Variants in MAPK10 observed in about 807,000 individuals in gnomAD.
MAPK10 encodes the protein JNK3 alpha protein kinase.
In MAPK10, 25 loss-of-function variants were observed where a neutral mutation model predicts 59.3. That is an observed-to-expected ratio of 0.42 (90% confidence interval 0.31 to 0.59). The LOEUF (loss-of-function observed/expected upper bound fraction) is 0.59, where lower values mean the gene tolerates loss of function less well. Among genes scored for constraint, MAPK10 ranks in the 20% least tolerant of loss-of-function variants. The pLI is 0.15. For synonymous variants in MAPK10, 190 were observed against 200.5 expected (o/e 0.95, Z 0.44); for missense variants, 351 against 568.9 (o/e 0.62, Z 3.90).
chr4:86,023,010 T>C (rs1440878888), intron 13 of MAPK10, among the ~76,000 whole-genome samples: 1 of 152,252 alleles, frequency 6.6e-6, no homozygotes, highest in African/African-American at 2.4e-5. Flanking sequence ...TAATAAACCA[T>C]TTTCTAATCC....
chr4:86,246,573 G>A (rs1171271049), intron 2 of MAPK10, among the ~76,000 whole-genome samples: 1 of 152,200 alleles, frequency 6.6e-6, no homozygotes, highest in East Asian at 1.9e-4. Context: ...AAATCATTAA[G>A]AAGGGAAAAC....
intron 1 of MAPK10, among the ~76,000 whole-genome samples, chr4:86,451,565 G>A (rs1356092311): frequency 2.0e-5 from 3 of 152,230 alleles, no homozygotes; most frequent in Non-Finnish European, 4.4e-5. Flanking sequence ...TTAAGAAAAA[G>A]TGTTTCCAGG....
intron 9 of MAPK10, among the ~76,000 whole-genome samples, chr4:86,085,714 C>A (rs1357096797): frequency 6.6e-6 from 1 of 152,068 alleles, no homozygotes; most frequent in Non-Finnish European, 1.5e-5. Flanking sequence ...AATAGAGCTA[C>A]CATATGATCT....
chr4:86,565,304 A>C (rs559670091), intron 1 of MAPK10, among the ~76,000 whole-genome samples: 1 of 152,328 alleles, frequency 6.6e-6, no homozygotes, highest in Admixed American at 6.5e-5. Flanking sequence ...CCATGTAAAA[A>C]TGAACTAAAA....
At chr4:86,194,223 CT>C (rs2080727066) in intron 3 of MAPK10, 112 bp downstream of exon 3, 4 of 816,932 alleles carry the variant, frequency 4.9e-6, no homozygotes, top group Non-Finnish European at 8.2e-6. Context: ...TTCTAAACTA[CT>C]GTTAATATGA....
intron 3 of MAPK10, among the ~76,000 whole-genome samples, chr4:86,169,031 C>T (rs1287901008): frequency 6.6e-6 from 1 of 152,214 alleles, no homozygotes; most frequent in South Asian, 2.1e-4. Context: ...AACTAACAAA[C>T]AGAAAGGACA....
chr4:86,454,726 A>G (rs1171115420), upstream of MAPK10, among the ~76,000 whole-genome samples: 1 of 152,160 alleles, frequency 6.6e-6, no homozygotes, highest in Non-Finnish European at 1.5e-5. Context: ...ATCAAGAAAA[A>G]TTTCTCTGGC....
At chr4:86,426,753 C>G (rs1483414846) in intron 1 of MAPK10, among the ~76,000 whole-genome samples, 1 of 152,076 alleles carries the variant, frequency 6.6e-6, no homozygotes, top group Non-Finnish European at 1.5e-5. Flanking sequence ...GTCATTTTAC[C>G]TAGTTTAGCC....
At chr4:86,036,553 A>G (rs186931631) in intron 11 of MAPK10, among the ~76,000 whole-genome samples, 3 of 152,340 alleles carry the variant, frequency 2.0e-5, no homozygotes, top group African/African-American at 7.2e-5. Flanking sequence ...ACTAAGATTC[A>G]AGGAAATTTT....
At chr4:86,061,458 G>A (rs1449286888) in intron 11 of MAPK10, among the ~76,000 whole-genome samples, 1 of 152,064 alleles carries the variant, frequency 6.6e-6, no homozygotes, top group East Asian at 1.9e-4. Flanking sequence ...TACACAGATG[G>A]ATTACTCTTG....
intron 1 of MAPK10, among the ~76,000 whole-genome samples, chr4:86,369,639 A>C (rs1738450577): frequency 6.6e-6 from 1 of 152,210 alleles, no homozygotes; most frequent in African/African-American, 2.4e-5. Flanking sequence ...TATCCTAAAC[A>C]TGCTATTTCA....
intron 1 of MAPK10, among the ~76,000 whole-genome samples, chr4:86,387,759 T>G (rs1165761481): frequency 1.3e-5 from 2 of 152,146 alleles, no homozygotes; most frequent in African/African-American, 2.4e-5. Flanking sequence ...GAACTGACGT[T>G]TTTTTCAAGT....
intron 4 of MAPK10, among the ~76,000 whole-genome samples, chr4:86,156,597 C>T (rs1335510506): frequency 1.3e-5 from 2 of 151,956 alleles, no homozygotes; most frequent in Non-Finnish European, 2.9e-5. Flanking sequence ...TAACTTTTGC[C>T]ACCACTTTGG....
intron 1 of MAPK10, among the ~76,000 whole-genome samples, chr4:86,578,264 G>T (rs1260919180): frequency 6.6e-6 from 1 of 152,114 alleles, no homozygotes; most frequent in Non-Finnish European, 1.5e-5. Flanking sequence ...GCACAGTACA[G>T]CTCCCTACCA....
chr4:86,545,979 G>A (rs767598942), intron 1 of MAPK10, among the ~76,000 whole-genome samples: 1 of 152,182 alleles, frequency 6.6e-6, no homozygotes, highest in East Asian at 1.9e-4. Flanking sequence ...GGCCAGGTGC[G>A]GTGGCTCACG....
At chr4:86,356,197 G>A (rs1169041792) in intron 1 of MAPK10, among the ~76,000 whole-genome samples, 1 of 152,142 alleles carries the variant, frequency 6.6e-6, no homozygotes, top group Non-Finnish European at 1.5e-5. Flanking sequence ...GAGCAGCTGT[G>A]GTTAGGGATG....
rs1018039771 is a variant in MAPK10, at chr4:86,159,245, T to G, written c.236+53A>C. 6.7e-5 allele frequency: 93 copies of G among 1,384,978 alleles called. 2 individuals carry two copies. In the Admixed American group the frequency reaches 2.2e-3, roughly 33 times the overall value. The allele number at this position is 1,384,978 out of a possible 1,614,324, so 85.8% of individuals were successfully genotyped here. A position where few individuals can be genotyped will look rare whatever the true frequency, so the allele number is the denominator to read the frequency against. ...TGTTTGTTTGTGTGTTTGTGTCTAG[T>G]AGTTGCACACGGTGTGTTCCCTTTA... On this transcript the variant is annotated intron_variant, in intron 4 of 13. Coordinates refer to ENST00000641462, the MANE Select transcript of MAPK10 (RefSeq NM_138982.4).
In MAPK10 at chr4:86,538,248, G is replaced by A. The variant is rs182597396; in HGVS notation, c.-263+55662C>T. ...CGCAACCTCTGCCTCCCAGGTTCAA[G>A]CGATTCTCCTGCCTCAGCCTCTCGA... On this transcript the variant is annotated intron_variant, in intron 1 of 4. Coordinates refer to the MAPK10 transcript ENST00000502302. 5.0e-3 allele frequency among the ~76,000 whole-genome samples: 758 copies of A among 152,060 alleles called. 1 individual carries two copies. The highest frequency in any genetic ancestry group is 0.017 in the African/African-American group (715 of 41,448).
intron 2 of MAPK10, among the ~76,000 whole-genome samples, chr4:86,233,364 T>C (rs2091849208): frequency 6.6e-6 from 1 of 151,912 alleles, no homozygotes; most frequent in Non-Finnish European, 1.5e-5. Flanking sequence ...TCAGAAACCA[T>C]AGTATGGAGA....
Sources: allele counts gnomAD v4.1 joint callset (sites outside exome capture counted in the v4.1 genomes callset), GRCh38; gene constraint gnomAD v4.1.1; transcripts MANE v1.5; gene names NCBI Gene and HGNC (gene_info 2026-07-23, HGNC 2026-07-21).